The following AHCTF1 variants were observed in gnomAD, a reference collection of about 807,000 sequenced individuals.
AHCTF1 encodes the protein protein ELYS.
A neutral mutation model predicts 248.4 loss-of-function variants in AHCTF1; 24 were observed. That is an observed-to-expected ratio of 0.10 (90% CI 0.07 to 0.14). The LOEUF (loss-of-function observed/expected upper bound fraction) is 0.14. Ranked by LOEUF, AHCTF1 falls within the 10% of genes least tolerant of loss-of-function variation. The pLI is 1.00. For synonymous variants in AHCTF1, 786 were observed against 929.8 expected (o/e 0.85, Z 2.81); for missense variants, 2,206 against 2,636.2 (o/e 0.84, Z 3.57).
At position 246,867,679 on chromosome 1, in the gene AHCTF1, C is replaced by G. The variant is rs138554302; in HGVS notation, c.3221G>C (p.Ser1074Thr). ...EVWASKEPIN[S>T]TTPFNSSKIE... ...AACATACCTATTGAAAGGTGTGGTG[C>G]TATTTATAGGTTCTTTGCTTGCCCA... The change falls in exon 25 of 36, where the codon AGC (serine) becomes ACC (threonine). Residue 1074 changes from serine (S) to threonine (T), a missense_variant. Coordinates refer to ENST00000648844, the MANE Select transcript of AHCTF1 (RefSeq NM_001323342.2). The G allele has an allele frequency of 6.8e-6, 11 of 1,611,752 alleles. No individual in the cohort carries two copies. Among genetic ancestry groups the G allele is most frequent in the Non-Finnish European group, 9.3e-6 (11 of 1,179,774 alleles).
Position 246,850,878 on chromosome 1 carries a change from A to G in AHCTF1, c.5128T>C (p.Leu1710=). The G allele has an allele frequency of 1.2e-6, 2 of 1,613,956 alleles. No individual in the cohort carries two copies. The highest frequency in any genetic ancestry group is 8.5e-7 in the Non-Finnish European group (1 of 1,179,870). The change falls in exon 33 of 36, where the codon TTG becomes CTG. Residue 1710 remains leucine (L), a synonymous_variant. Coordinates refer to ENST00000648844, the MANE Select transcript of AHCTF1 (RefSeq NM_001323342.2). ...VSQNIMCPTK[L]VKSAFKTAQE... is the part of the protein sequence containing the mutation. ...GCAGTCTTAAATGCAGATTTGACCAATTTAGTGGGACACATTATGTTTTGG... is the reference window on the plus strand; with the variant it reads ...GCAGTCTTAAATGCAGATTTGACCAGTTTAGTGGGACACATTATGTTTTGG...
intron 3 of AHCTF1, among the ~76,000 whole-genome samples, chr1:246,914,607 A>T (rs1666018373): frequency 6.6e-6 from 1 of 152,202 alleles, no homozygotes; most frequent in African/African-American, 2.4e-5. Flanking sequence ...TTCCTCATAA[A>T]AATACTATAT....
At chr1:246,854,298 CAA>C (rs56086758) in intron 31 of AHCTF1, among the ~76,000 whole-genome samples, 22 of 113,462 alleles carry the variant, frequency 1.9e-4, no homozygotes, top group Admixed American at 5.4e-4. Flanking sequence ...GACTCTGTTT[CAA>C]AAAAAAAAAA....
chr1:246,898,483 G>T, intron 11 of AHCTF1, 147 bp from the exon 12 acceptor site: 1 of 899,484 alleles, frequency 1.1e-6, no homozygotes, highest in Non-Finnish European at 1.6e-6. Context: ...AAGAAACAGA[G>T]TTTATAGGTT....
At chr1:246,885,049 A>G (rs1383044980) in intron 21 of AHCTF1, among the ~76,000 whole-genome samples, 1 of 152,174 alleles carries the variant, frequency 6.6e-6, no homozygotes, top group African/African-American at 2.4e-5. Flanking sequence ...ATATAACTAA[A>G]AATCTCAATT....
At chr1:246,868,474 C>G (rs770902178) in intron 24 of AHCTF1, among the ~76,000 whole-genome samples, 4 of 151,770 alleles carry the variant, frequency 2.6e-5, no homozygotes, top group African/African-American at 4.9e-5. Flanking sequence ...AGACTGGTCT[C>G]AAACTCCGGG....
chr1:246,839,636 A>G lies in AHCTF1; in HGVS notation c.*1170T>C, dbSNP rs1659703766. On this transcript the variant is annotated 3_prime_UTR_variant, in exon 36 of 36. Transcript: ENST00000648844. The stretch of plus-strand genomic sequence containing the variant: ...TATTATTTGGTAGAAAAATAAATGC[A>G]GAAAGCACACTGCATATGCTTCACA... 2 of 894,488 alleles carry G rather than the reference A, an allele frequency of 2.2e-6. No homozygotes were observed. Among genetic ancestry groups the G allele is most frequent in the African/African-American group, 3.6e-5 (2 of 55,322 alleles). The allele number at this position is 894,488 out of a possible 1,614,324, so 55.4% of individuals were successfully genotyped here. A position where few individuals can be genotyped will look rare whatever the true frequency, so the allele number is the denominator to read the frequency against.
chr1:246,917,394 G>A (rs1479126485), intron 2 of AHCTF1, among the ~76,000 whole-genome samples: 1 of 152,178 alleles, frequency 6.6e-6, no homozygotes, highest in East Asian at 1.9e-4. Flanking sequence ...GGATATGTAA[G>A]TTTATAGCTA....
chr1:246,916,721 T>C (rs1666175412), intron 2 of AHCTF1, among the ~76,000 whole-genome samples: 1 of 152,196 alleles, frequency 6.6e-6, no homozygotes, highest in African/African-American at 2.4e-5. Flanking sequence ...GTTATCTCAT[T>C]TATTCCTTAT....
intron 5 of AHCTF1, among the ~76,000 whole-genome samples, chr1:246,906,636 G>C (rs1254373864): frequency 6.6e-6 from 1 of 151,930 alleles, no homozygotes; most frequent in Admixed American, 6.6e-5. Context: ...AGAGAGTTGA[G>C]ATACACTTCC....
In AHCTF1 at chr1:246,921,072, A is replaced by T. The variant is rs1201592517; in HGVS notation, c.-7-2695T>A. Among the ~76,000 whole-genome samples the T allele has an allele frequency of 3.3e-5, 5 of 152,190 alleles. No homozygotes were observed. The East Asian group carries it at 9.6e-4, about 29-fold the overall frequency. ...ACGGCATTGCACTCCAGCCTGGGCA[A>T]CAAGAGTGAAACTCTGACACAATAA... On this transcript the variant is annotated intron_variant, in intron 1 of 35. Transcript: ENST00000648844.
In AHCTF1 at chr1:246,849,953, T is replaced by C; in HGVS notation, c.6053A>G (p.Glu2018Gly). Residue 2018 changes from glutamate (E) to glycine (G), a missense_variant, in exon 33 of 36, where the codon GAA becomes GGA. Around this residue, in one of 6 missense-constraint regions of AHCTF1, gnomAD observed 469 missense variants for 470.0 expected, o/e 1.00. Transcript: ENST00000648844. Reference sequence around the variant, plus strand: ...AGCTGGTTTTCCAACATCAACATTTTCACTTTTAGCTGGGGTATTTCTTGT... The same window carrying C: ...AGCTGGTTTTCCAACATCAACATTTCCACTTTTAGCTGGGGTATTTCTTGT... ...RSTRNTPAKS[E>G]NVDVGKPALG... 6.2e-7 allele frequency: 1 copy of C among 1,613,990 alleles called. No homozygotes were observed. Among genetic ancestry groups the C allele is most frequent in the Non-Finnish European group, 8.5e-7 (1 of 1,179,862 alleles).
At chr1:246,886,687 T>C (rs895589121) in intron 20 of AHCTF1, among the ~76,000 whole-genome samples, 3 of 152,140 alleles carry the variant, frequency 2.0e-5, no homozygotes, top group African/African-American at 7.2e-5. Context: ...AGGATGTGCA[T>C]AGGGTATATG....
intron 5 of AHCTF1, among the ~76,000 whole-genome samples, chr1:246,906,882 G>A (rs576024774): frequency 8.6e-4 from 131 of 151,988 alleles, no homozygotes; most frequent in Non-Finnish European, 1.5e-3. Flanking sequence ...CCTCTCAACT[G>A]AGAATTCTTT....
intron 14 of AHCTF1, 133 bp downstream of exon 14, chr1:246,894,526 A>G: frequency 1.3e-6 from 1 of 742,582 alleles, no homozygotes. Context: ...CTGGCGACAG[A>G]GCAAGACTCA....
chr1:246,868,128 A>AT (rs1028892311), intron 24 of AHCTF1, among the ~76,000 whole-genome samples: 15,429 of 133,786 alleles, frequency 0.12, 1,161 homozygotes, highest in African/African-American at 0.2. Context: ...AGCCCGGCTA[A>AT]TTTTTTTTTT....
chr1:246,920,326 T>C (rs1026278869), intron 1 of AHCTF1, among the ~76,000 whole-genome samples: 5 of 151,758 alleles, frequency 3.3e-5, no homozygotes, highest in Admixed American at 2.0e-4. Context: ...GATAAGAAAC[T>C]GTAAATGTTA....
At chr1:246,899,357 T>C in intron 11 of AHCTF1, 94 bp downstream of exon 11, 1 of 1,025,708 alleles carries the variant, frequency 9.7e-7, no homozygotes, top group Non-Finnish European at 1.4e-6. Flanking sequence ...CTGAAACAAC[T>C]GTCAATATCA....
At chr1:246,903,658 C>T (rs867896387) in intron 7 of AHCTF1, among the ~76,000 whole-genome samples, 2 of 117,516 alleles carry the variant, frequency 1.7e-5, no homozygotes, top group African/African-American at 3.5e-5. Context: ...TGAGACCCCC[C>T]CCCCTCCGTC....
Sources: allele counts gnomAD v4.1 joint callset (sites outside exome capture counted in the v4.1 genomes callset), GRCh38; gene constraint gnomAD v4.1.1; regional missense constraint gnomAD v4.1.1; transcripts MANE v1.5; gene names NCBI Gene and HGNC (gene_info 2026-07-23, HGNC 2026-07-21).